SYNM: variants seen among roughly 807,000 people sequenced by gnomAD.
SYNM encodes the protein desmuslin.
A neutral mutation model predicts 104.0 loss-of-function variants in SYNM; 95 were observed. That is an observed-to-expected ratio of 0.91 (90% CI 0.77 to 1.08). The LOEUF is 1.08. SYNM is among the 50% of genes least tolerant of loss of function. The pLI is 0.00. For missense variants in SYNM, 2,150 were observed against 2,052.2 expected (o/e 1.05, Z -0.92); for synonymous variants, 918 against 869.0 (o/e 1.06, Z -0.99).
intron 2 of SYNM, among the ~76,000 whole-genome samples, chr15:99,119,009 A>C (rs2067375330): frequency 6.6e-6 from 1 of 152,226 alleles, no homozygotes; most frequent in Non-Finnish European, 1.5e-5. Flanking sequence ...GTCTCCTGTC[A>C]AGAGTAGCGG....
chr15:99,123,019 TG>T (rs1555484673), intron 2 of SYNM, among the ~76,000 whole-genome samples: 1 of 152,062 alleles, frequency 6.6e-6, no homozygotes, highest in Non-Finnish European at 1.5e-5. Flanking sequence ...TAGAAGGAGG[TG>T]GGGACGACGT....
chr15:99,114,272 G>GGC (rs1555483700), intron 2 of SYNM, among the ~76,000 whole-genome samples: 121 of 151,530 alleles, frequency 8.0e-4, no homozygotes, highest in African/African-American at 2.7e-3. Flanking sequence ...GGTGGCAGGA[G>GGC]AGAGAGAGAG....
Position 99,132,372 on chromosome 15 carries a change from G to A in SYNM, c.4012G>A (p.Asp1338Asn), listed in dbSNP as rs782673754. 5.0e-6 allele frequency: 8 copies of A among 1,613,832 alleles called. No homozygotes were observed. Among genetic ancestry groups the A allele is most frequent in the Middle Eastern group, 1.6e-4 (1 of 6,084 alleles). Reference protein sequence around the residue: ...GLVPQLGESGDSESTVHGEGS... With the variant: ...GLVPQLGESGNSESTVHGEGS... ...GGTTCCCCAACTGGGGGAATCTGGT[G>A]ACTCAGAGAGCACTGTGCACGGAGA... The change falls in exon 4 of 4, where the codon GAC (aspartate) becomes AAC (asparagine). Residue 1338 changes from aspartate (D) to asparagine (N), a missense_variant. Asp to Asn is a conservative substitution (Grantham distance 23). Coordinates refer to ENST00000336292, the MANE Select transcript of SYNM (RefSeq NM_145728.3).
intron 1 of SYNM, among the ~76,000 whole-genome samples, chr15:99,106,846 T>C (rs1246032749): frequency 1.3e-5 from 2 of 152,234 alleles, no homozygotes; most frequent in African/African-American, 2.4e-5. Context: ...CAAATCACAC[T>C]ATCAGTAGTT....
chr15:99,123,700 AG>A (rs1418954793), intron 2 of SYNM, among the ~76,000 whole-genome samples: 2 of 152,196 alleles, frequency 1.3e-5, no homozygotes, highest in Admixed American at 1.3e-4. Flanking sequence ...GCTGTTTGCT[AG>A]GAAGCACCCC....
chr15:99,133,279 G>A lies in SYNM; in HGVS notation c.*221G>A. 1.1e-6 allele frequency: 1 copy of A among 946,440 alleles called. No individual in the cohort carries two copies. The allele number at this position is 946,440 out of a possible 1,614,324, so 58.6% of individuals were successfully genotyped here. On this transcript the variant is annotated 3_prime_UTR_variant, in exon 4 of 4. Coordinates refer to ENST00000336292, the MANE Select transcript of SYNM (RefSeq NM_145728.3). ...CACTGCAATTTTATTTTTGAGTTGG[G>A]ACTTTTACAAAACACTTTTTTCCCT...
At position 99,105,647 on chromosome 15, in the gene SYNM, C is replaced by A. The variant is rs1555482512; in HGVS notation, c.448C>A (p.Arg150Ser). The change falls in exon 1 of 4, where the codon CGC (arginine) becomes AGC (serine). Residue 150 changes from arginine (R) to serine (S), a missense_variant. Physicochemically the swap from Arg to Ser is moderately radical, Grantham distance 110. Coordinates refer to ENST00000336292, the MANE Select transcript of SYNM (RefSeq NM_145728.3). The part of the protein sequence containing the change: ...ERRGLDAAHE[R>S]DVRELRARAA... ...CCGAGGCCTCGACGCGGCCCACGAA[C>A]GCGACGTGAGGGAGCTGCGCGCGCG... 7.3e-7 allele frequency: 1 copy of A among 1,372,024 alleles called. No homozygotes were observed. Among genetic ancestry groups the A allele is most frequent in the Non-Finnish European group, 9.4e-7 (1 of 1,062,916 alleles). 85.0% of individuals were successfully genotyped at this position (1,372,024 alleles called of 1,614,324 possible).
downstream of SYNM, chr15:99,138,156 G>T: frequency 6.2e-7 from 1 of 1,610,072 alleles, no homozygotes; most frequent in Non-Finnish European, 8.5e-7. Flanking sequence ...TGGGGTGAGT[G>T]TGGTGCCCCT....
chr15:99,126,293 G>C (rs1256728470), intron 2 of SYNM, among the ~76,000 whole-genome samples: 1 of 152,210 alleles, frequency 6.6e-6, no homozygotes, highest in Admixed American at 6.5e-5. Context: ...TGTGACTCCA[G>C]GAAGAACCCA....
At chr15:99,120,404 C>T (rs1426761803) in intron 2 of SYNM, among the ~76,000 whole-genome samples, 1 of 152,032 alleles carries the variant, frequency 6.6e-6, no homozygotes, top group Non-Finnish European at 1.5e-5. Context: ...GTTTTCCAGG[C>T]AGAGGGAATG....
chr15:99,110,595 T>G (rs1318437650), intron 1 of SYNM, among the ~76,000 whole-genome samples: 1 of 152,254 alleles, frequency 6.6e-6, no homozygotes, highest in Non-Finnish European at 1.5e-5. Context: ...AGCTCTACCT[T>G]TCAAGGTTGC....
At chr15:99,120,252 C>T (rs1261120857) in intron 2 of SYNM, among the ~76,000 whole-genome samples, 2 of 152,156 alleles carry the variant, frequency 1.3e-5, no homozygotes, top group Non-Finnish European at 1.5e-5. Context: ...TGGTGTGGAC[C>T]TAGTCCCTGT....
chr15:99,107,927 GTTTTTTTTTTT>G (rs2067262567), intron 1 of SYNM, among the ~76,000 whole-genome samples: 1 of 145,284 alleles, frequency 6.9e-6, no homozygotes, highest in African/African-American at 2.6e-5. Flanking sequence ...TAAGGACCTG[GTTTTTTTTTTT>G]GTTTTTTGTT....
chr15:99,136,624 C>G (rs2067611143), downstream of SYNM: 1 of 152,264 alleles, frequency 6.6e-6, no homozygotes, highest in South Asian at 2.1e-4. Context: ...AACCTAATCA[C>G]CTCTCCAAGA....
intron 1 of SYNM, among the ~76,000 whole-genome samples, 190 bp downstream of exon 1, chr15:99,106,199 G>C (rs1241072622): frequency 6.6e-6 from 1 of 152,228 alleles, no homozygotes; most frequent in East Asian, 1.9e-4. Flanking sequence ...CTCAGCGGGC[G>C]AGCGCGGGGC....
chr15:99,105,793 G>GGT lies in SYNM; in HGVS notation c.596_597dup (p.Gln200CysfsTer74), dbSNP rs1555482597. ...TGGTGGCCGAGTCGTGGCGGGAGAC[G>GGT]GTGCAGCTGTACGAGGACGAGGTGC... On this transcript the variant is annotated frameshift_variant, in exon 1 of 4. Coordinates refer to ENST00000336292, the MANE Select transcript of SYNM (RefSeq NM_145728.3). LOFTEE classifies it high-confidence loss of function. The GGT allele has an allele frequency of 6.5e-7, 1 of 1,541,802 alleles. No homozygotes were observed. Among genetic ancestry groups the GGT allele is most frequent in the Non-Finnish European group, 8.7e-7 (1 of 1,145,068 alleles).
chr15:99,117,826 G>C (rs1294983671), intron 2 of SYNM, among the ~76,000 whole-genome samples: 1 of 151,744 alleles, frequency 6.6e-6, no homozygotes, highest in Non-Finnish European at 1.5e-5. Context: ...CATCGATCGC[G>C]AGCCGTTTCT....
Position 99,132,980 on chromosome 15 carries a change from G to A in SYNM, c.4620G>A (p.Ser1540=), listed in dbSNP as rs868913251. The change falls in exon 4 of 4, where the codon TCG becomes TCA. Residue 1540 remains serine (S), a synonymous_variant. Transcript: ENST00000336292. The part of the protein sequence containing the change: ...VQLQRMVDQR[S]VISDEKKVAL... ...TCCAGAGAATGGTAGACCAAAGGTC[G>A]GTGATTTCAGATGAAAAGAAAGTTG... is the stretch of plus-strand genomic sequence containing the variant. 1.5e-5 allele frequency: 25 copies of A among 1,613,712 alleles called. 1 individual carries two copies. In the Middle Eastern group the frequency reaches 1.2e-3, roughly 74 times the overall value.
In SYNM at chr15:99,132,547, G is replaced by A; in HGVS notation, c.4187G>A (p.Gly1396Asp). 1.2e-6 allele frequency: 2 copies of A among 1,614,040 alleles called. No individual in the cohort carries two copies. Among genetic ancestry groups the A allele is most frequent in the Non-Finnish European group, 1.7e-6 (2 of 1,179,894 alleles). The change falls in exon 4 of 4, where the codon GGT (glycine) becomes GAT (aspartate). Residue 1396 changes from glycine to aspartate, a missense_variant. Physicochemically the swap from Gly to Asp is moderately conservative, Grantham distance 94. Coordinates refer to ENST00000336292, the MANE Select transcript of SYNM (RefSeq NM_145728.3). ...EDTSGAEMTS[G>D]VSRSFRHIRL... ...ACATCAGGGGCAGAAATGACATCGG[G>A]TGTTAGCAGATCCTTTAGGCACATT... is the stretch of plus-strand genomic sequence containing the variant.
Sources: allele counts gnomAD v4.1 joint callset (sites outside exome capture counted in the v4.1 genomes callset), GRCh38; gene constraint gnomAD v4.1.1; transcripts MANE v1.5; gene names NCBI Gene and HGNC (gene_info 2026-07-23, HGNC 2026-07-21).